The following EXOC4 variants were observed in gnomAD, a reference collection of about 807,000 sequenced individuals.
EXOC4 encodes exocyst complex component 4, also known as SEC8-like 1.
In EXOC4, 71 loss-of-function variants were observed where a neutral mutation model predicts 107.2. That is an observed-to-expected ratio of 0.66 (90% CI 0.55 to 0.81). The LOEUF is 0.81. EXOC4 is among the 30% of genes least tolerant of loss of function. The pLI is 0.00. For missense variants in EXOC4, 1,108 were observed against 1,189.6 expected, an observed-to-expected ratio of 0.93 and a Z score of 1.01; for synonymous variants, 456 against 441.2, an observed-to-expected ratio of 1.03 and a Z score of -0.42.
chr7:133,754,909 C>T (rs1332937947), intron 10 of EXOC4, among the ~76,000 whole-genome samples: 1 of 151,838 alleles, frequency 6.6e-6, no homozygotes, highest in Non-Finnish European at 1.5e-5. Context: ...TTGCATTTTC[C>T]CACAGATCTG....
At chr7:133,514,958 A>G (rs1292272624) in intron 9 of EXOC4, among the ~76,000 whole-genome samples, 1 of 152,172 alleles carries the variant, frequency 6.6e-6, no homozygotes, top group African/African-American at 2.4e-5. Context: ...TGTTGCTACC[A>G]CCACTTCAGT....
chr7:133,697,758 C>T lies in EXOC4; in HGVS notation c.1514+67617C>T, dbSNP rs532668286. On this transcript the variant is annotated intron_variant, in intron 10 of 17. Coordinates refer to ENST00000253861, the MANE Select transcript of EXOC4 (RefSeq NM_021807.4). Reference sequence around the variant, plus strand: ...GGAAAGTCCCTAAGTGGAAGCATCACCTGCAGGGGGTTTCTGGCTAACCCG... The same window carrying T: ...GGAAAGTCCCTAAGTGGAAGCATCATCTGCAGGGGGTTTCTGGCTAACCCG... 2.2e-4 allele frequency among the ~76,000 whole-genome samples: 34 copies of T among 152,242 alleles called. 1 individual carries two copies. The highest frequency in any genetic ancestry group is 7.5e-4 in the African/African-American group (31 of 41,536).
chr7:133,765,100 G>A (rs767444473), intron 10 of EXOC4, among the ~76,000 whole-genome samples: 2 of 152,170 alleles, frequency 1.3e-5, no homozygotes, highest in South Asian at 4.1e-4. Flanking sequence ...CTCTATAGAG[G>A]TAGGCTGTTG....
At chr7:133,564,133 A>G (rs1800861365) in intron 9 of EXOC4, among the ~76,000 whole-genome samples, 1 of 152,178 alleles carries the variant, frequency 6.6e-6, no homozygotes, top group Admixed American at 6.5e-5. Context: ...AGACTGTGTG[A>G]TTTATAAAGA....
intron 7 of EXOC4, among the ~76,000 whole-genome samples, chr7:133,444,135 G>GT (rs1363015426): frequency 1.3e-4 from 20 of 152,174 alleles, no homozygotes; most frequent in Admixed American, 1.3e-3. Context: ...CAGTCTGAGT[G>GT]TTTCTTCAGG....
At chr7:133,383,496 T>C (rs1215548335) in intron 7 of EXOC4, among the ~76,000 whole-genome samples, 2 of 152,210 alleles carry the variant, frequency 1.3e-5, no homozygotes, top group Admixed American at 6.5e-5. Context: ...AAAATCGTTT[T>C]ACTTTTGTTA....
intron 14 of EXOC4, among the ~76,000 whole-genome samples, chr7:133,970,767 A>G (rs1223366465): frequency 6.6e-6 from 1 of 151,902 alleles, no homozygotes; most frequent in African/African-American, 2.4e-5. Flanking sequence ...GCTGGGAGCT[A>G]CCAACCCGAG....
chr7:133,437,866 A>G (rs1395613230), intron 7 of EXOC4, among the ~76,000 whole-genome samples: 2 of 152,222 alleles, frequency 1.3e-5, no homozygotes, highest in Non-Finnish European at 2.9e-5. Flanking sequence ...AAGACAAATT[A>G]AAAAGAATTA....
chr7:134,045,935 G>A (rs573530710), intron 17 of EXOC4, among the ~76,000 whole-genome samples: 1 of 152,126 alleles, frequency 6.6e-6, no homozygotes, highest in African/African-American at 2.4e-5. Context: ...TATAAAATTA[G>A]CACTTGTCTT....
intron 3 of EXOC4, among the ~76,000 whole-genome samples, chr7:133,296,611 T>A (rs535434253): frequency 6.6e-6 from 1 of 152,196 alleles, no homozygotes; most frequent in East Asian, 1.9e-4. Flanking sequence ...TCAAGGCCCT[T>A]TTTATTTATA....
At chr7:133,404,445 C>T (rs1797165707) in intron 7 of EXOC4, among the ~76,000 whole-genome samples, 1 of 152,082 alleles carries the variant, frequency 6.6e-6, no homozygotes, top group Non-Finnish European at 1.5e-5. Context: ...AATTCCTTGA[C>T]ATGGCACACA....
chr7:133,455,644 A>G (rs1014824474), intron 7 of EXOC4, among the ~76,000 whole-genome samples: 19 of 152,332 alleles, frequency 1.2e-4, no homozygotes, highest in Admixed American at 1.2e-3. Flanking sequence ...TTCAAGTGGT[A>G]GGATGAACCA....
At chr7:133,289,266 C>A in intron 3 of EXOC4, 150 bp downstream of exon 3, 1 of 602,286 alleles carries the variant, frequency 1.7e-6, no homozygotes, top group South Asian at 2.7e-5. Context: ...GGGTATTTCT[C>A]TAATTCCAGT....
chr7:133,932,804 A>C (rs1384400938), intron 13 of EXOC4, among the ~76,000 whole-genome samples: 2 of 152,130 alleles, frequency 1.3e-5, no homozygotes, highest in Non-Finnish European at 2.9e-5. Flanking sequence ...TCTTTATTAC[A>C]GGGGAACTGA....
At chr7:133,907,810 A>AAGAAGGAG (rs1284001694) in intron 12 of EXOC4, among the ~76,000 whole-genome samples, 6 of 151,950 alleles carry the variant, frequency 3.9e-5, no homozygotes, top group African/African-American at 1.2e-4. Context: ...AGAAAGAGAG[A>AAGAAGGAG]GAAGAAGGAG....
chr7:133,792,553 CAAAA>C (rs56408972), intron 10 of EXOC4, among the ~76,000 whole-genome samples: 3 of 73,606 alleles, frequency 4.1e-5, no homozygotes, highest in African/African-American at 5.7e-5. Context: ...ACCCTGTCTC[CAAAA>C]AAAAAAAAAA....
chr7:134,039,038 A>G (rs1272648849), intron 17 of EXOC4, among the ~76,000 whole-genome samples: 1 of 152,162 alleles, frequency 6.6e-6, no homozygotes, highest in East Asian at 1.9e-4. Context: ...GGAACATGGA[A>G]AGGTCCACTC....
intron 9 of EXOC4, among the ~76,000 whole-genome samples, chr7:133,494,982 A>C (rs1404011440): frequency 6.6e-6 from 1 of 152,134 alleles, no homozygotes; most frequent in Non-Finnish European, 1.5e-5. Flanking sequence ...ATTATATTAA[A>C]AAAATTGGGC....
At chr7:133,987,878 A>G (rs1240479067) in intron 14 of EXOC4, among the ~76,000 whole-genome samples, 3 of 152,206 alleles carry the variant, frequency 2.0e-5, no homozygotes, top group African/African-American at 7.2e-5. Context: ...GTTGCCATTG[A>G]AAGTGTGGCA....
Sources: allele counts gnomAD v4.1 joint callset (sites outside exome capture counted in the v4.1 genomes callset), GRCh38; gene constraint gnomAD v4.1.1; transcripts MANE v1.5; gene names NCBI Gene and HGNC (gene_info 2026-07-23, HGNC 2026-07-21).